Variants in IFT81 observed in about 807,000 individuals in gnomAD.
The protein encoded by IFT81 is intraflagellar transport protein 81 homolog.
In IFT81, 72 loss-of-function variants were observed where a neutral mutation model predicts 102.6. The ratio of observed to expected loss-of-function variants is 0.70; its 90% CI spans 0.58 to 0.85. The LOEUF is 0.85. Among genes scored for constraint, IFT81 ranks in the 40% least tolerant of loss-of-function variants. IFT81 has a pLI of 0.00. For synonymous variants in IFT81, 237 were observed against 242.7 expected (o/e 0.98, Z 0.22); for missense variants, 723 against 787.3 (o/e 0.92, Z 0.98).
chr12:110,162,582 G>T, intron 10 of IFT81: 1 of 182,404 alleles, frequency 5.5e-6, no homozygotes, highest in East Asian at 1.5e-4. Context: ...TGATCCTCCT[G>T]CCTCGGCCTC....
At chr12:110,148,602 G>A (rs1284623954) in intron 10 of IFT81, among the ~76,000 whole-genome samples, 1 of 151,832 alleles carries the variant, frequency 6.6e-6, no homozygotes. Flanking sequence ...ATCCTCCTGA[G>A]TAGCTGGGAT....
At chr12:110,166,174 G>A (rs1397653687) in intron 11 of IFT81, among the ~76,000 whole-genome samples, 1 of 152,204 alleles carries the variant, frequency 6.6e-6, no homozygotes, top group Non-Finnish European at 1.5e-5. Flanking sequence ...AGTAAATGCT[G>A]TGTGTTAGTT....
intron 11 of IFT81, among the ~76,000 whole-genome samples, chr12:110,172,836 G>T (rs1475587574): frequency 1.3e-5 from 2 of 152,144 alleles, no homozygotes; most frequent in Admixed American, 1.3e-4. Context: ...GAGCGTCTCT[G>T]CCTGGCCGCC....
In IFT81 at chr12:110,191,013, A is replaced by G. The variant is rs1412248735; in HGVS notation, c.1432A>G (p.Met478Val). 1 of 1,610,458 alleles carries G rather than the reference A, an allele frequency of 6.2e-7. No individual in the cohort carries two copies. Among genetic ancestry groups the G allele is most frequent in the Non-Finnish European group, 8.5e-7 (1 of 1,178,716 alleles). ...VSALKSEVDEMKGRTLDDMSE... is the reference protein window; with the variant it reads ...VSALKSEVDEVKGRTLDDMSE... ...TGCACTGAAGAGTGAAGTTGATGAA[A>G]TGAAAGGACGAACATTGGATGATAT... The change falls in exon 13 of 19, where the codon ATG (methionine) becomes GTG (valine). Residue 478 changes from methionine to valine, a missense_variant. Met to Val is a conservative substitution (Grantham distance 21). Transcript: ENST00000242591.
chr12:110,147,176 C>A, intron 10 of IFT81, 128 bp downstream of exon 10: 1 of 606,708 alleles, frequency 1.6e-6, no homozygotes, highest in East Asian at 3.2e-5. Context: ...CTGCTAATCT[C>A]CATAGTATAT....
chr12:110,151,901 G>T (rs554859069), intron 10 of IFT81, among the ~76,000 whole-genome samples: 1 of 152,078 alleles, frequency 6.6e-6, no homozygotes, highest in African/African-American at 2.4e-5. Flanking sequence ...GTGAGATCAT[G>T]CACTATTTGT....
chr12:110,185,062 G>A (rs1042928934), intron 12 of IFT81, among the ~76,000 whole-genome samples: 4 of 152,202 alleles, frequency 2.6e-5, no homozygotes, highest in African/African-American at 9.7e-5. Flanking sequence ...GCCTGGGACT[G>A]TCAGTACTCT....
At position 110,135,458 on chromosome 12, in the gene IFT81, A is replaced by G. The variant is rs1179126803; in HGVS notation, c.696+21A>G. On this transcript the variant is annotated intron_variant, in intron 7 of 18. Transcript: ENST00000242591. ...ATCAGGTATCCACATAAAAGTTTAT[A>G]TTCTCAGTATGAAGGAAATAGTTCC... is the stretch of plus-strand genomic sequence containing the variant. 4.4e-6 allele frequency: 6 copies of G among 1,374,550 alleles called. No individual in the cohort carries two copies. The Admixed American group carries it at 5.5e-5, about 13-fold the overall frequency. The allele number at this position is 1,374,550 out of a possible 1,614,324, so 85.1% of individuals were successfully genotyped here.
At chr12:110,200,195 G>A (rs370287692) in intron 14 of IFT81, among the ~76,000 whole-genome samples, 2 of 152,124 alleles carry the variant, frequency 1.3e-5, no homozygotes, top group Non-Finnish European at 2.9e-5. Context: ...ATGAGGATAC[G>A]TTCTAAGAAA....
At chr12:110,155,337 T>A (rs1268086085) in intron 10 of IFT81, among the ~76,000 whole-genome samples, 1 of 151,794 alleles carries the variant, frequency 6.6e-6, no homozygotes, top group Non-Finnish European at 1.5e-5. Flanking sequence ...TGAGATGGAG[T>A]TTCACTCCTG....
At chr12:110,139,697 C>A (rs1894739104) in intron 8 of IFT81, among the ~76,000 whole-genome samples, 8 of 149,208 alleles carry the variant, frequency 5.4e-5, no homozygotes, top group Admixed American at 2.7e-4. Flanking sequence ...TGGCATGAAC[C>A]CGGGAGGCAG....
intron 5 of IFT81, 44 bp from the exon 6 acceptor site, chr12:110,134,904 C>T (rs370282511): frequency 7.0e-5 from 99 of 1,408,146 alleles, no homozygotes; most frequent in Non-Finnish European, 8.8e-5. Context: ...TTCCTACAGA[C>T]TGAGAATACT....
rs1196139906 is a variant in IFT81, at chr12:110,190,904, T to G, written c.1339-16T>G. 3 of 1,499,546 alleles carry G rather than the reference T, an allele frequency of 2.0e-6. No homozygotes were observed. The highest frequency in any genetic ancestry group is 1.4e-5 in the African/African-American group (1 of 69,800). 92.9% of individuals were successfully genotyped at this position (1,499,546 alleles called of 1,614,324 possible). A position where few individuals can be genotyped will look rare whatever the true frequency, so the allele number is the denominator to read the frequency against. On this transcript the variant is annotated splice_polypyrimidine_tract_variant and intron_variant, in intron 12 of 18. Transcript: ENST00000242591. ...ATTTTGACATGTTTTGTGGCCTTTT[T>G]ATTTTTTACTTATAGCAAACTATGG...
chr12:110,213,941 T>G (rs1425023483), intron 18 of IFT81, among the ~76,000 whole-genome samples: 1 of 152,186 alleles, frequency 6.6e-6, no homozygotes, highest in Non-Finnish European at 1.5e-5. Flanking sequence ...AATTTCATAC[T>G]GTACATTTTC....
chr12:110,188,345 T>TA (rs1175095953), intron 12 of IFT81, among the ~76,000 whole-genome samples: 146 of 144,936 alleles, frequency 1.0e-3, no homozygotes, highest in African/African-American at 3.4e-3. Context: ...AAAAAAAAAT[T>TA]AAAAAAAAAA....
intron 14 of IFT81, among the ~76,000 whole-genome samples, chr12:110,199,859 G>GTCATTCTC (rs1898185015): frequency 6.6e-6 from 1 of 152,156 alleles, no homozygotes; most frequent in Admixed American, 6.6e-5. Context: ...TGAAACCAAG[G>GTCATTCTC]TCATTCTCGG....
At chr12:110,216,102 A>T (rs1208741368) in intron 18 of IFT81, among the ~76,000 whole-genome samples, 1 of 152,216 alleles carries the variant, frequency 6.6e-6, no homozygotes, top group Non-Finnish European at 1.5e-5. Context: ...TTCAATATCT[A>T]TTATGTCACT....
intron 11 of IFT81, among the ~76,000 whole-genome samples, chr12:110,176,716 A>T (rs1897050075): frequency 6.6e-6 from 1 of 152,248 alleles, no homozygotes; most frequent in Non-Finnish European, 1.5e-5. Flanking sequence ...CCTATTGCTT[A>T]ATCGTATGTA....
chr12:110,163,361 C>T (rs146759781), intron 11 of IFT81, among the ~76,000 whole-genome samples: 8 of 152,076 alleles, frequency 5.3e-5, no homozygotes, highest in African/African-American at 1.9e-4. Context: ...CTGTCTCAGC[C>T]TCCCACATAG....
Sources: gnomAD v4.1 joint callset for allele counts (sites outside exome capture counted in the v4.1 genomes callset) on GRCh38, gnomAD v4.1.1 for gene constraint, MANE v1.5 for transcripts, NCBI Gene and HGNC (gene_info 2026-07-23, HGNC 2026-07-21) for gene names.